PTGR3: variants seen among roughly 807,000 people sequenced by gnomAD.
PTGR3 encodes the protein prostaglandin reductase 3.
chr18:75,208,627 G>T, the PTGR3 span: 11 of 602,946 alleles, frequency 1.8e-5, no homozygotes, highest in East Asian at 2.8e-4. Flanking sequence ...TTATGAGGAC[G>T]TTCGGTGGCA....
At chr18:75,196,759 G>C in the PTGR3 span, 1 of 151,174 alleles carries the variant, frequency 6.6e-6, no homozygotes, top group Non-Finnish European at 1.5e-5. Context: ...ACCCCAACAT[G>C]CTTCCTGAGG....
chr18:75,204,730 C>T, the PTGR3 span, among the ~76,000 whole-genome samples: 1 of 152,142 alleles, frequency 6.6e-6, no homozygotes, highest in African/African-American at 2.4e-5. Context: ...TGAGATTCCT[C>T]AGGCCTGCGA....
the PTGR3 span, chr18:75,197,989 TG>T: frequency 1.3e-5 from 2 of 152,202 alleles, no homozygotes; most frequent in Non-Finnish European, 2.9e-5. Context: ...TATGTCCACA[TG>T]GTAAAGTAAT....
chr18:75,205,032 C>G, the PTGR3 span, among the ~76,000 whole-genome samples: 1 of 152,166 alleles, frequency 6.6e-6, no homozygotes, highest in Non-Finnish European at 1.5e-5. Context: ...ACGGCAGGAG[C>G]CCGCGGCGGC....
At chr18:75,203,539 AG>A in the PTGR3 span, among the ~76,000 whole-genome samples, 1 of 152,342 alleles carries the variant, frequency 6.6e-6, no homozygotes, top group South Asian at 2.1e-4. Flanking sequence ...TCTACAGGAC[AG>A]AAAAGTCTCT....
chr18:75,207,452 T>A, the PTGR3 span, among the ~76,000 whole-genome samples: 2,069 of 152,316 alleles, frequency 0.014, 21 homozygotes, highest in Non-Finnish European at 0.023. Context: ...GAACACATAC[T>A]CAAGCCCTTC....
chr18:75,205,942 C>T, the PTGR3 span, among the ~76,000 whole-genome samples: 1 of 152,210 alleles, frequency 6.6e-6, no homozygotes, highest in Admixed American at 6.5e-5. Flanking sequence ...ACTCTTTGCT[C>T]CATTATCTTA....
chr18:75,206,699 T>A, the PTGR3 span, among the ~76,000 whole-genome samples: 2 of 152,174 alleles, frequency 1.3e-5, no homozygotes, highest in African/African-American at 4.8e-5. Context: ...CCCATTCTTT[T>A]CCCTTAAGGA....
At chr18:75,203,196 G>A in the PTGR3 span, among the ~76,000 whole-genome samples, 3 of 152,180 alleles carry the variant, frequency 2.0e-5, 1 homozygote, top group East Asian at 1.9e-4. Flanking sequence ...ATTTAATTGC[G>A]AGGCCAGTAT....
At chr18:75,203,822 T>C in the PTGR3 span, among the ~76,000 whole-genome samples, 1 of 152,216 alleles carries the variant, frequency 6.6e-6, no homozygotes, top group African/African-American at 2.4e-5. Flanking sequence ...TACATAATTC[T>C]CAAGGCCTGG....
the PTGR3 span, chr18:75,196,657 A>AAAAAAAG: frequency 0.013 from 1,621 of 127,556 alleles, 22 homozygotes; most frequent in South Asian, 0.023. Flanking sequence ...AAAAAAAAAA[A>AAAAAAAG]GTCTGTACTT....
At chr18:75,201,971 T>C in the PTGR3 span, 3 of 1,614,246 alleles carry the variant, frequency 1.9e-6, no homozygotes, top group South Asian at 2.2e-5. Context: ...TTGCCTTCTT[T>C]GAAAGCTGCA....
chr18:75,201,334 C>A, the PTGR3 span: 1 of 1,268,832 alleles, frequency 7.9e-7, no homozygotes, highest in Non-Finnish European at 1.1e-6. Flanking sequence ...CCATTACCAA[C>A]TAAAAATAAA....
the PTGR3 span, chr18:75,202,301 T>C: frequency 6.2e-7 from 1 of 1,613,886 alleles, no homozygotes; most frequent in Non-Finnish European, 8.5e-7. Flanking sequence ...CATAGCGGCC[T>C]GCTGAATAGT....
At chr18:75,208,933 G>C in the PTGR3 span, 1 of 1,586,674 alleles carries the variant, frequency 6.3e-7, no homozygotes, top group East Asian at 2.4e-5. Flanking sequence ...GGAAGTTGGG[G>C]CTCAGCCGGG....
At chr18:75,208,557 G>T in the PTGR3 span, 12 of 1,064,812 alleles carry the variant, frequency 1.1e-5, no homozygotes, top group Non-Finnish European at 1.4e-5. Context: ...TCGGGAGCGG[G>T]AGGGGGAGGA....
chr18:75,197,968 T>C, the PTGR3 span: 2 of 152,204 alleles, frequency 1.3e-5, no homozygotes, highest in Non-Finnish European at 2.9e-5. Flanking sequence ...TGAAATACAG[T>C]ATTTATCCCA....
At chr18:75,200,997 G>C in the PTGR3 span, 1 of 161,574 alleles carries the variant, frequency 6.2e-6, no homozygotes, top group African/African-American at 2.4e-5. Flanking sequence ...TGTCACTCAT[G>C]AACTGCTTAT....
the PTGR3 span, chr18:75,208,632 G>A: frequency 1.7e-6 from 1 of 601,372 alleles, no homozygotes; most frequent in South Asian, 7.3e-5. Flanking sequence ...AGGACGTTCG[G>A]TGGCATCGGA....
Sources: allele counts gnomAD v4.1 joint callset (sites outside exome capture counted in the v4.1 genomes callset), GRCh38; gene constraint gnomAD v4.1.1; transcripts MANE v1.5; gene names NCBI Gene and HGNC (gene_info 2026-07-23, HGNC 2026-07-21).